EBF3: variants seen among roughly 807,000 people sequenced by gnomAD.
EBF3 encodes EBF transcription factor 3.
EBF3 carries 18 observed loss-of-function variants against 77.1 expected under a neutral mutation model. The ratio of observed to expected loss-of-function variants is 0.23; its 90% CI spans 0.16 to 0.35. The LOEUF is 0.35. Ranked by LOEUF, EBF3 falls within the 10% of genes least tolerant of loss-of-function variation. The pLI is 1.00. For missense variants in EBF3, 558 were observed against 860.0 expected (o/e 0.65, Z 4.39); for synonymous variants, 350 against 343.5 (o/e 1.02, Z -0.21).
In EBF3 at chr10:129,905,143, G is replaced by A. The variant is rs180766243; in HGVS notation, c.555-27294C>T. 2.3e-3 allele frequency among the ~76,000 whole-genome samples: 350 copies of A among 152,308 alleles called. 3 individuals are homozygous for A. Among genetic ancestry groups the A allele is most frequent in the Middle Eastern group, 0.017 (5 of 294 alleles). On this transcript the variant is annotated intron_variant, in intron 6 of 16. Coordinates refer to ENST00000440978, the MANE Select transcript of EBF3 (RefSeq NM_001375380.1). ...TGCCCTTGTCTTTCCATCAACTTGG[G>A]GCTGGAGACTCCAGGGAAAGTGTAG...
chr10:129,898,880 G>A (rs536222392), intron 6 of EBF3, among the ~76,000 whole-genome samples: 1 of 152,318 alleles, frequency 6.6e-6, no homozygotes, highest in South Asian at 2.1e-4. Flanking sequence ...TGCCCGGCCC[G>A]CGGCCGGCGT....
intron 6 of EBF3, among the ~76,000 whole-genome samples, chr10:129,919,138 C>G (rs1164620415): frequency 2.6e-5 from 4 of 152,152 alleles, no homozygotes; most frequent in Non-Finnish European, 5.9e-5. Context: ...CAACGCAGAC[C>G]AAGCCATGAG....
At chr10:129,961,881 GA>G (rs1312698317) in intron 4 of EBF3, among the ~76,000 whole-genome samples, 1 of 152,118 alleles carries the variant, frequency 6.6e-6, no homozygotes, top group Non-Finnish European at 1.5e-5. Flanking sequence ...CAAGAGGGGG[GA>G]CATCTTGAAA....
intron 6 of EBF3, among the ~76,000 whole-genome samples, chr10:129,912,679 A>T (rs1855607358): frequency 1.3e-5 from 2 of 152,216 alleles, no homozygotes; most frequent in South Asian, 4.1e-4. Flanking sequence ...TTTATGAATT[A>T]TCTGACACAT....
chr10:129,925,261 G>A (rs181437288), intron 6 of EBF3, among the ~76,000 whole-genome samples: 128 of 151,900 alleles, frequency 8.4e-4, no homozygotes, highest in Non-Finnish European at 1.6e-3. Context: ...GTGAGGGTGG[G>A]GGTGCAAGGA....
intron 6 of EBF3, among the ~76,000 whole-genome samples, chr10:129,904,569 C>CGGAT (rs1009670556): frequency 1.3e-5 from 2 of 149,110 alleles, no homozygotes; most frequent in African/African-American, 2.5e-5. Context: ...GATGGATGAA[C>CGGAT]GGATGGATGG....
intron 4 of EBF3, among the ~76,000 whole-genome samples, chr10:129,960,767 C>G (rs1342753106): frequency 6.6e-6 from 1 of 152,124 alleles, no homozygotes; most frequent in African/African-American, 2.4e-5. Context: ...GCCTCCTCCT[C>G]CTCTGTGCAA....
At chr10:129,930,481 AT>A (rs1445253161) in intron 6 of EBF3, among the ~76,000 whole-genome samples, 1 of 143,686 alleles carries the variant, frequency 7.0e-6, no homozygotes, top group East Asian at 2.1e-4. Flanking sequence ...ATATTAACAA[AT>A]CCCCCTCTCA....
In EBF3 at chr10:129,963,125, A is replaced by G; in HGVS notation, c.292-120T>C. 3 of 1,348,462 alleles carry G rather than the reference A, an allele frequency of 2.2e-6. No individual in the cohort carries two copies. The highest frequency in any genetic ancestry group is 3.2e-6 in the Non-Finnish European group (3 of 946,678). The allele number at this position is 1,348,462 out of a possible 1,614,324, so 83.5% of individuals were successfully genotyped here. A position where few individuals can be genotyped will look rare whatever the true frequency, so the allele number is the denominator to read the frequency against. On this transcript the variant is annotated intron_variant, in intron 2 of 16. Coordinates refer to ENST00000440978, the MANE Select transcript of EBF3 (RefSeq NM_001375380.1). The surrounding 1 kb of genome is among the most constrained non-coding windows in gnomAD (Gnocchi z 7.1). ...ACACATGGCAGGATTCCTAGCTCGAAGCAGCGCGGTGATGTCACTTTCCTG... is the reference window on the plus strand; with the variant it reads ...ACACATGGCAGGATTCCTAGCTCGAGGCAGCGCGGTGATGTCACTTTCCTG...
chr10:129,849,139 G>A (rs968929558), intron 10 of EBF3, among the ~76,000 whole-genome samples: 11 of 152,290 alleles, frequency 7.2e-5, no homozygotes, highest in South Asian at 2.1e-4. Context: ...CGGCACATGC[G>A]CTGTGTACAG....
At chr10:129,930,518 C>G (rs562333568) in intron 6 of EBF3, among the ~76,000 whole-genome samples, 1 of 142,140 alleles carries the variant, frequency 7.0e-6, no homozygotes, top group Admixed American at 7.0e-5. Context: ...CTATATCTAT[C>G]TCTATATTAA....
intron 11 of EBF3, among the ~76,000 whole-genome samples, chr10:129,846,108 TTGTGTGTG>T (rs10530522): frequency 0.082 from 11,414 of 139,612 alleles, 1,097 homozygotes; most frequent in African/African-American, 0.24. Context: ...ATTCTGGGCT[TTGTGTGTG>T]TGTGTGTGTG....
At chr10:129,840,820 CGT>C in intron 14 of EBF3, 22 bp downstream of exon 14, 1 of 1,603,592 alleles carries the variant, frequency 6.2e-7, no homozygotes, top group Non-Finnish European at 8.5e-7. Context: ...TGCGTGATGA[CGT>C]GTGACAAAAA....
intron 10 of EBF3, among the ~76,000 whole-genome samples, chr10:129,853,026 G>A (rs890136022): frequency 2.6e-5 from 4 of 152,180 alleles, no homozygotes; most frequent in South Asian, 2.1e-4. Context: ...CAGGAAGGAG[G>A]GGACAGGGTG....
intron 6 of EBF3, among the ~76,000 whole-genome samples, chr10:129,951,004 T>G (rs927675571): frequency 6.6e-6 from 1 of 152,246 alleles, no homozygotes; most frequent in Non-Finnish European, 1.5e-5. Flanking sequence ...TGTCTCCCTT[T>G]GCCACTGTTT....
chr10:129,959,085 C>T, intron 4 of EBF3, 78 bp from the exon 5 acceptor site: 4 of 1,561,490 alleles, frequency 2.6e-6, no homozygotes, highest in South Asian at 1.1e-5. Context: ...GCGCTGCAGG[C>T]CTGGCTGGCA....
chr10:129,917,073 A>G (rs1855929002), intron 6 of EBF3, among the ~76,000 whole-genome samples: 1 of 152,262 alleles, frequency 6.6e-6, no homozygotes, highest in Non-Finnish European at 1.5e-5. Flanking sequence ...GTCATGTATT[A>G]AAAGTGGGAC....
intron 6 of EBF3, among the ~76,000 whole-genome samples, chr10:129,951,328 G>C (rs780072764): frequency 6.6e-6 from 1 of 152,144 alleles, no homozygotes; most frequent in Non-Finnish European, 1.5e-5. Context: ...CAATATCTTC[G>C]CTCCTCACCT....
chr10:129,941,360 A>G (rs1240902224), intron 6 of EBF3, among the ~76,000 whole-genome samples: 1 of 152,246 alleles, frequency 6.6e-6, no homozygotes, highest in African/African-American at 2.4e-5. Flanking sequence ...CAGGGACAAC[A>G]CAAATGTCTG....
Sources: allele counts gnomAD v4.1 joint callset (sites outside exome capture counted in the v4.1 genomes callset), GRCh38; gene constraint gnomAD v4.1.1; non-coding constraint Gnocchi (gnomAD v3.1); transcripts MANE v1.5; gene names NCBI Gene and HGNC (gene_info 2026-07-23, HGNC 2026-07-21).